Variants in MAP4 observed in about 807,000 individuals in gnomAD.
The protein encoded by MAP4 is microtubule-associated protein 4.
MAP4 carries 76 observed loss-of-function variants against 170.2 expected under a neutral mutation model. The ratio of observed to expected loss-of-function variants is 0.45; its 90% CI spans 0.37 to 0.54. The LOEUF (loss-of-function observed/expected upper bound fraction) is 0.54. MAP4 is among the 20% of genes least tolerant of loss of function. MAP4 has a pLI of 0.00. For synonymous variants in MAP4, 909 were observed against 994.5 expected (o/e 0.91, Z 1.62); for missense variants, 2,506 against 2,748.0 (o/e 0.91, Z 1.97).
rs371027004 is a variant in MAP4, at chr3:48,041,475, AT to A, written c.-19-42597del. On this transcript the variant is annotated intron_variant, in intron 1 of 18. Coordinates refer to the MAP4 transcript ENST00000360240. Reference sequence around the variant, plus strand: ...AAATTCCTGAAAGAAATTAAGGAAGATTTAAATAAATGGAAAGACATTTAAG... The same window carrying A: ...AAATTCCTGAAAGAAATTAAGGAAGATTAAATAAATGGAAAGACATTTAAG... 2.0e-5 allele frequency among the ~76,000 whole-genome samples: 3 copies of A among 152,312 alleles called. No individual in the cohort carries two copies. In the East Asian group the frequency reaches 5.8e-4, roughly 29 times the overall value.
chr3:47,906,782 CA>C (rs1472843577), intron 9 of MAP4, among the ~76,000 whole-genome samples: 1 of 144,864 alleles, frequency 6.9e-6, no homozygotes, highest in Non-Finnish European at 1.5e-5. Context: ...AGACATGTAC[CA>C]GGAAAAAAGA....
chr3:48,007,514 C>T (rs776162420), intron 1 of MAP4, among the ~76,000 whole-genome samples: 1 of 152,156 alleles, frequency 6.6e-6, no homozygotes, highest in South Asian at 2.1e-4. Flanking sequence ...GCTGCTCTGC[C>T]ACCTGGGCCA....
chr3:47,926,874 T>C (rs2100046301), intron 4 of MAP4, among the ~76,000 whole-genome samples: 1 of 151,984 alleles, frequency 6.6e-6, no homozygotes, highest in African/African-American at 2.4e-5. Context: ...TATGGTACTG[T>C]GAATTATTGG....
intron 2 of MAP4, among the ~76,000 whole-genome samples, chr3:47,978,219 C>T (rs2154275683): frequency 6.6e-6 from 1 of 152,232 alleles, no homozygotes; most frequent in South Asian, 2.1e-4. Context: ...TCAAAGATTA[C>T]CATTAAATTC....
At chr3:47,857,331 GCA>G (rs1215165570) in intron 18 of MAP4, 98 bp downstream of exon 18, 1 of 894,062 alleles carries the variant, frequency 1.1e-6, no homozygotes, top group African/African-American at 1.6e-5. Context: ...GATGCTAAAG[GCA>G]CAGAGATGAA....
chr3:48,083,654 C>T (rs768911372), intron 1 of MAP4, among the ~76,000 whole-genome samples: 4 of 151,340 alleles, frequency 2.6e-5, no homozygotes, highest in African/African-American at 7.3e-5. Context: ...CATGAGCCAC[C>T]GCACCCAGCA....
intron 1 of MAP4, among the ~76,000 whole-genome samples, chr3:48,010,892 T>C (rs1158253051): frequency 6.6e-6 from 1 of 152,160 alleles, no homozygotes; most frequent in Non-Finnish European, 1.5e-5. Context: ...GTTCTTCATT[T>C]TGGGGACTCG....
intron 3 of MAP4, among the ~76,000 whole-genome samples, chr3:47,952,694 T>C (rs1008626762): frequency 6.6e-6 from 1 of 150,678 alleles, no homozygotes. Context: ...AAATAAAAAA[T>C]TGGTCAGATC....
At position 47,916,263 on chromosome 3, in the gene MAP4, G is replaced by A; in HGVS notation, c.1564C>T (p.Pro522Ser). 6.2e-7 allele frequency: 1 copy of A among 1,614,142 alleles called. No individual in the cohort carries two copies. Among genetic ancestry groups the A allele is most frequent in the Non-Finnish European group, 8.5e-7 (1 of 1,179,978 alleles). Residue 522 changes from proline to serine, a missense_variant, in exon 7 of 21, where the codon CCA becomes TCA. By Grantham distance (74) the Pro-to-Ser change is moderately conservative. Transcript: ENST00000683076. The stretch of plus-strand genomic sequence containing the variant: ...AGAACTACTTCTGTTTCTGGAGGTG[G>A]AGTCACATCCTTGCCCAGAGCCATT... ...TEMALGKDVT[P>S]PPETEVVLIK...
At chr3:47,878,581 C>T (rs1439049644) in intron 10 of MAP4, among the ~76,000 whole-genome samples, 2 of 152,060 alleles carry the variant, frequency 1.3e-5, no homozygotes, top group African/African-American at 2.4e-5. Context: ...GATCTGTCAC[C>T]CAGGCTGGAG....
At chr3:48,014,463 G>C (rs1380114655) in intron 1 of MAP4, among the ~76,000 whole-genome samples, 2 of 152,122 alleles carry the variant, frequency 1.3e-5, no homozygotes, top group African/African-American at 4.8e-5. Flanking sequence ...CTAGAACAGA[G>C]CTTGGGCAAA....
chr3:48,055,341 A>G (rs1375327715), intron 1 of MAP4, among the ~76,000 whole-genome samples: 1 of 152,130 alleles, frequency 6.6e-6, no homozygotes, highest in Non-Finnish European at 1.5e-5. Context: ...CAGTCTGCCG[A>G]ATGCCTGCGA....
At chr3:48,077,356 G>C (rs771767264) in intron 1 of MAP4, among the ~76,000 whole-genome samples, 3 of 150,622 alleles carry the variant, frequency 2.0e-5, no homozygotes, top group African/African-American at 7.3e-5. Flanking sequence ...CAGGAGAATC[G>C]AATCACTTGA....
chr3:47,858,619 GT>G (rs1466112405), intron 17 of MAP4, among the ~76,000 whole-genome samples: 5 of 125,186 alleles, frequency 4.0e-5, no homozygotes, highest in African/African-American at 1.8e-4. Context: ...GTGTGTGCGC[GT>G]TGTGTGTGTG....
chr3:48,066,901 T>G (rs892318049), intron 1 of MAP4, among the ~76,000 whole-genome samples: 1 of 127,608 alleles, frequency 7.8e-6, no homozygotes, highest in African/African-American at 2.9e-5. Context: ...AGAGCAGTGG[T>G]ACGATCTCGG....
At chr3:47,885,862 G>A (rs1191685072) in intron 10 of MAP4, among the ~76,000 whole-genome samples, 2 of 151,994 alleles carry the variant, frequency 1.3e-5, no homozygotes, top group South Asian at 2.1e-4. Context: ...CCGAGTAGCC[G>A]GGACTACAGG....
chr3:47,880,399 C>T (rs1430274624), intron 10 of MAP4, among the ~76,000 whole-genome samples: 3 of 151,274 alleles, frequency 2.0e-5, no homozygotes, highest in Non-Finnish European at 2.9e-5. Flanking sequence ...TGAGCCACCA[C>T]ACCTGGCTGA....
upstream of MAP4, among the ~76,000 whole-genome samples, chr3:48,020,206 T>C (rs961498454): frequency 6.6e-6 from 1 of 152,176 alleles, no homozygotes; most frequent in African/African-American, 2.4e-5. Context: ...TTATTTACAA[T>C]GTGTGTCCCA....
chr3:48,074,725 T>TGTGTGTGTGTGTGAGA (rs756153345), intron 1 of MAP4, among the ~76,000 whole-genome samples: 2 of 147,336 alleles, frequency 1.4e-5, no homozygotes, highest in African/African-American at 5.1e-5. Context: ...TGTGTGTGTG[T>TGTGTGTGTGTGTGAGA]GATATGTCGG....
Sources: gnomAD v4.1 joint callset for allele counts (sites outside exome capture counted in the v4.1 genomes callset) on GRCh38, gnomAD v4.1.1 for gene constraint, MANE v1.5 for transcripts, NCBI Gene and HGNC (gene_info 2026-07-23, HGNC 2026-07-21) for gene names.